Variants in HECW1 observed in about 807,000 individuals in gnomAD.
The protein encoded by HECW1 is HECT, C2 and WW domain containing E3 ubiquitin protein ligase 1, also known as E3 ubiquitin-protein ligase HECW1.
Under a neutral mutation model 182.3 loss-of-function variants are expected in HECW1, and 61 were observed. The observed-to-expected ratio is 0.33, with a 90% CI of 0.27 to 0.41. HECW1 has a LOEUF of 0.41. HECW1 is among the 10% of genes least tolerant of loss of function. HECW1 has a pLI of 1.00. For synonymous variants in HECW1, 859 were observed against 832.6 expected (o/e 1.03, Z -0.55); for missense variants, 1,739 against 2,108.9 (o/e 0.82, Z 3.44).
chr7:43,249,205 C>T (rs917206245), intron 3 of HECW1: 16 of 152,456 alleles, frequency 1.0e-4, no homozygotes, highest in African/African-American at 3.9e-4. Flanking sequence ...CCGCCACTAA[C>T]ATTTTCCCAG....
intron 29 of HECW1, among the ~76,000 whole-genome samples, chr7:43,561,026 A>T (rs2082191527): frequency 6.6e-6 from 1 of 152,236 alleles, no homozygotes; most frequent in Non-Finnish European, 1.5e-5. Context: ...GGGAGCAGCT[A>T]GTCAGGTGAT....
intron 5 of HECW1, among the ~76,000 whole-genome samples, chr7:43,358,818 CTTTTTTTTTTTTT>C (rs572118397): frequency 2.1e-5 from 2 of 93,454 alleles, no homozygotes; most frequent in Non-Finnish European, 4.2e-5. Context: ...AAAATATATT[CTTTTTTTTTTTTT>C]TTTTTTTTTT....
chr7:43,232,398 T>G (rs886390103), intron 2 of HECW1, among the ~76,000 whole-genome samples: 9 of 152,176 alleles, frequency 5.9e-5, no homozygotes, highest in African/African-American at 2.2e-4. Context: ...AGAGTAGAAA[T>G]GGAGGCTGGC....
chr7:43,299,293 G>A (rs1806438647), intron 3 of HECW1, among the ~76,000 whole-genome samples: 1 of 152,212 alleles, frequency 6.6e-6, no homozygotes, highest in African/African-American at 2.4e-5. Context: ...ATCGGTGGGA[G>A]AGGCCGTGGG....
Position 43,225,702 on chromosome 7 carries a change from A to C in HECW1, c.-31-18173A>C, listed in dbSNP as rs1190396151. On this transcript the variant is annotated intron_variant, in intron 2 of 29. Coordinates refer to ENST00000395891, the MANE Select transcript of HECW1 (RefSeq NM_015052.5). ...TCATGCTACCAAAAAATTATTAAAA[A>C]CCATGAATAATGATAGAAAATGCTG... Among the ~76,000 whole-genome samples the C allele has an allele frequency of 4.6e-5, 7 of 152,204 alleles. No homozygotes were observed. The East Asian group carries it at 7.7e-4, about 17-fold the overall frequency.
intron 9 of HECW1, 106 bp from the exon 10 acceptor site, chr7:43,442,423 C>T: frequency 1.4e-6 from 1 of 734,134 alleles, no homozygotes; most frequent in Non-Finnish European, 2.4e-6. Context: ...CACATCAGGA[C>T]TTCCCTGGGC....
chr7:43,238,389 GA>G (rs11354315), intron 2 of HECW1, among the ~76,000 whole-genome samples: 33,314 of 152,152 alleles, frequency 0.22, 4,863 homozygotes, highest in African/African-American at 0.41. Flanking sequence ...CTGGTGCTCA[GA>G]AATTGGAGTC....
At chr7:43,437,229 T>C (rs2076741269) in intron 8 of HECW1, among the ~76,000 whole-genome samples, 1 of 152,222 alleles carries the variant, frequency 6.6e-6, no homozygotes, top group African/African-American at 2.4e-5. Flanking sequence ...GGGTGTCTTT[T>C]CATGTCTGTG....
At chr7:43,141,789 C>T (rs767436074) in intron 2 of HECW1, among the ~76,000 whole-genome samples, 4 of 152,198 alleles carry the variant, frequency 2.6e-5, no homozygotes, top group Admixed American at 6.5e-5. Context: ...TGAACCACCG[C>T]ACCCGGTGAG....
chr7:43,113,124 G>A (rs992546731), intron 1 of HECW1, among the ~76,000 whole-genome samples, 187 bp downstream of exon 1: 6 of 152,096 alleles, frequency 3.9e-5, no homozygotes, highest in African/African-American at 1.4e-4. Context: ...GCCGCCGCCC[G>A]GTCCGGGCCG....
intron 4 of HECW1, among the ~76,000 whole-genome samples, chr7:43,312,784 A>T (rs1808689791): frequency 6.6e-6 from 1 of 152,262 alleles, no homozygotes; most frequent in South Asian, 2.1e-4. Flanking sequence ...TCTTATAATT[A>T]TGAAAACCAA....
intron 5 of HECW1, among the ~76,000 whole-genome samples, chr7:43,340,800 C>T (rs1812874628): frequency 6.6e-6 from 1 of 151,598 alleles, no homozygotes; most frequent in Admixed American, 6.6e-5. Context: ...CCCCTGATCC[C>T]ATTACTGGGT....
At position 43,500,577 on chromosome 7, in the gene HECW1, A is replaced by G. The variant is rs576634057; in HGVS notation, c.3438-122A>G. On this transcript the variant is annotated intron_variant, in intron 19 of 29. Transcript: ENST00000395891. Reference sequence around the variant, plus strand: ...ACAAACTTAGAATTCTGCAAAATACATAGGACGTTAGGACATTGCTATTCA... The same window carrying G: ...ACAAACTTAGAATTCTGCAAAATACGTAGGACGTTAGGACATTGCTATTCA... The G allele has an allele frequency of 5.6e-5, 45 of 803,410 alleles. No individual in the cohort carries two copies. The African/African-American group carries it at 7.4e-4, about 13-fold the overall frequency. The allele number at this position is 803,410 out of a possible 1,614,324, so 49.8% of individuals were successfully genotyped here.
At chr7:43,256,222 G>A (rs1258844224) in intron 3 of HECW1, among the ~76,000 whole-genome samples, 1 of 152,220 alleles carries the variant, frequency 6.6e-6, no homozygotes, top group African/African-American at 2.4e-5. Flanking sequence ...TGAAAAGTGA[G>A]TATGTGGGTT....
intron 3 of HECW1, among the ~76,000 whole-genome samples, chr7:43,261,256 T>G (rs1472318910): frequency 6.6e-6 from 1 of 152,232 alleles, no homozygotes; most frequent in Non-Finnish European, 1.5e-5. Context: ...TTTGTCTTGA[T>G]GTAAAGAAAT....
At chr7:43,366,483 A>T (rs536887254) in intron 6 of HECW1, among the ~76,000 whole-genome samples, 1 of 152,382 alleles carries the variant, frequency 6.6e-6, no homozygotes, top group East Asian at 1.9e-4. Flanking sequence ...TAGGTTATAA[A>T]ATGTCCTGGA....
At chr7:43,327,267 A>G (rs1181032470) in intron 5 of HECW1, among the ~76,000 whole-genome samples, 2 of 152,236 alleles carry the variant, frequency 1.3e-5, no homozygotes, top group Non-Finnish European at 2.9e-5. Context: ...CTCCATATAC[A>G]TATCTGCAAG....
intron 2 of HECW1, among the ~76,000 whole-genome samples, chr7:43,115,299 CT>C (rs34686016): frequency 0.031 from 4,322 of 138,122 alleles, 65 homozygotes; most frequent in Non-Finnish European, 0.048. Context: ...TCAAACAGGT[CT>C]TTTTTTTTTT....
At chr7:43,221,552 T>G (rs1364976518) in intron 2 of HECW1, among the ~76,000 whole-genome samples, 3 of 52,862 alleles carry the variant, frequency 5.7e-5, no homozygotes, top group South Asian at 6.3e-4. Flanking sequence ...TTTTTTTTTT[T>G]TTTTTTTTTT....
Sources: gnomAD v4.1 joint callset for allele counts (sites outside exome capture counted in the v4.1 genomes callset) on GRCh38, gnomAD v4.1.1 for gene constraint, MANE v1.5 for transcripts, NCBI Gene and HGNC (gene_info 2026-07-23, HGNC 2026-07-21) for gene names.